NRXN3: variants seen among roughly 807,000 people sequenced by gnomAD.
NRXN3 encodes neurexin 3.
NRXN3 carries 32 observed loss-of-function variants against 137.6 expected under a neutral mutation model. That is an observed-to-expected ratio of 0.23 (90% CI 0.18 to 0.31). The LOEUF (loss-of-function observed/expected upper bound fraction) is 0.31, where lower values mean the gene tolerates loss of function less well. Ranked by LOEUF, NRXN3 falls within the 10% of genes least tolerant of loss-of-function variation. NRXN3 has a pLI of 1.00. For synonymous variants in NRXN3, 798 were observed against 784.5 expected, an observed-to-expected ratio of 1.02 and a Z score of -0.29; for missense variants, 1,574 against 2,062.5, an observed-to-expected ratio of 0.76 and a Z score of 4.59.
chr14:79,551,798 A>C (rs946939402), intron 16 of NRXN3, among the ~76,000 whole-genome samples: 1 of 152,144 alleles, frequency 6.6e-6, no homozygotes, highest in Non-Finnish European at 1.5e-5. Context: ...TCCCTGGGGA[A>C]GTTTCTAGTG....
intron 15 of NRXN3, among the ~76,000 whole-genome samples, chr14:79,142,268 A>T (rs932325064): frequency 1.3e-5 from 2 of 152,126 alleles, no homozygotes; most frequent in Non-Finnish European, 2.9e-5. Flanking sequence ...TCTACTAAAA[A>T]TACAAAAAGT....
In NRXN3 at chr14:78,479,536, C is replaced by A. The variant is rs181348850; in HGVS notation, c.758-165584C>A. Among the ~76,000 whole-genome samples the A allele has an allele frequency of 2.6e-3, 399 of 152,290 alleles. 2 individuals carry two copies. The highest frequency in any genetic ancestry group is 9.1e-3 in the African/African-American group (377 of 41,570). On this transcript the variant is annotated intron_variant, in intron 4 of 20. Coordinates refer to ENST00000335750, the MANE Select transcript of NRXN3 (RefSeq NM_001330195.2). ...TTCAGGTTGTACAAAGTCAGCATTT[C>A]GTAAGGTTTGTCCCCAGAACATACT...
intron 15 of NRXN3, among the ~76,000 whole-genome samples, chr14:79,125,910 C>T (rs112717037): frequency 6.1e-4 from 93 of 152,158 alleles, no homozygotes; most frequent in Middle Eastern, 6.8e-3. Flanking sequence ...TTATTTCATA[C>T]GCTTATGCAA....
At chr14:78,249,933 GAGA>G (rs1164399328) in intron 2 of NRXN3, among the ~76,000 whole-genome samples, 1 of 152,174 alleles carries the variant, frequency 6.6e-6, no homozygotes, top group Non-Finnish European at 1.5e-5. Flanking sequence ...TATGGCTCTG[GAGA>G]AGGTTTTTGA....
chr14:78,698,736 T>G (rs2098251317), intron 6 of NRXN3, among the ~76,000 whole-genome samples: 1 of 152,040 alleles, frequency 6.6e-6, no homozygotes, highest in Admixed American at 6.6e-5. Flanking sequence ...TAGCTGCCAC[T>G]CTGGGGTGCA....
intron 4 of NRXN3, among the ~76,000 whole-genome samples, chr14:78,504,366 G>A (rs2095940349): frequency 1.3e-5 from 2 of 152,172 alleles, no homozygotes; most frequent in African/African-American, 2.4e-5. Flanking sequence ...TATGTGACTA[G>A]CCCTAGCTGA....
intron 19 of NRXN3, among the ~76,000 whole-genome samples, chr14:79,732,735 A>G (rs542329744): frequency 6.6e-6 from 1 of 152,312 alleles, no homozygotes; most frequent in South Asian, 2.1e-4. Flanking sequence ...CAATAACTGT[A>G]CAAATATGGT....
intron 16 of NRXN3, among the ~76,000 whole-genome samples, chr14:79,541,734 T>C (rs2097274873): frequency 6.6e-6 from 1 of 152,204 alleles, no homozygotes; most frequent in African/African-American, 2.4e-5. Flanking sequence ...TTACTCCTAA[T>C]GCCTCTAGCC....
intron 1 of NRXN3, among the ~76,000 whole-genome samples, chr14:78,189,679 G>C (rs926909574): frequency 6.6e-6 from 1 of 151,896 alleles, no homozygotes; most frequent in African/African-American, 2.4e-5. Flanking sequence ...CTCCACTTCC[G>C]GGTTTGAGCA....
At chr14:78,742,078 G>A (rs539596757) in intron 8 of NRXN3, among the ~76,000 whole-genome samples, 2 of 152,268 alleles carry the variant, frequency 1.3e-5, no homozygotes, top group South Asian at 4.1e-4. Flanking sequence ...ATGGCTAATT[G>A]TTTCCTCGCA....
chr14:79,659,775 C>T (rs926811302), intron 16 of NRXN3, among the ~76,000 whole-genome samples: 8 of 152,136 alleles, frequency 5.3e-5, no homozygotes, highest in Admixed American at 4.6e-4. Flanking sequence ...AATAACCAGA[C>T]CAGGGTCATA....
intron 10 of NRXN3, among the ~76,000 whole-genome samples, chr14:78,886,957 G>A (rs1294405447): frequency 6.6e-6 from 1 of 152,120 alleles, no homozygotes; most frequent in Non-Finnish European, 1.5e-5. Flanking sequence ...AGTGGTGGAG[G>A]ATGTCTAACT....
chr14:79,171,168 G>A lies in NRXN3; in HGVS notation c.3262+183027G>A, dbSNP rs1009393363. Among the ~76,000 whole-genome samples, 9 of 152,036 alleles carry A rather than the reference G, an allele frequency of 5.9e-5. No individual in the cohort carries two copies. The East Asian group carries it at 1.4e-3, about 23-fold the overall frequency. On this transcript the variant is annotated intron_variant, in intron 15 of 20. Transcript: ENST00000335750. ...CCCCAGGCATAGAAGCAGGATCCGT[G>A]TTTTAATTCTAACCTTAATTAAATC...
At chr14:78,503,383 C>T (rs73322316) in intron 4 of NRXN3, among the ~76,000 whole-genome samples, 3,300 of 152,122 alleles carry the variant, frequency 0.022, 111 homozygotes, top group African/African-American at 0.072. Context: ...AGGTGAATAT[C>T]CAGAAACCAG....
chr14:79,259,455 C>G (rs1238241671), intron 15 of NRXN3, among the ~76,000 whole-genome samples: 1 of 151,478 alleles, frequency 6.6e-6, no homozygotes, highest in Non-Finnish European at 1.5e-5. Flanking sequence ...TTCTAAAACC[C>G]TTATCTGCAG....
At chr14:78,217,869 C>T (rs952218861) in intron 1 of NRXN3, among the ~76,000 whole-genome samples, 3 of 152,118 alleles carry the variant, frequency 2.0e-5, no homozygotes, top group African/African-American at 7.2e-5. Flanking sequence ...CCATGTTGAC[C>T]AGGCTGGTCT....
At chr14:78,539,737 G>T (rs2096570703) in intron 4 of NRXN3, among the ~76,000 whole-genome samples, 1 of 152,108 alleles carries the variant, frequency 6.6e-6, no homozygotes, top group Non-Finnish European at 1.5e-5. Context: ...GCTTTCTCTT[G>T]TGGGCATTTA....
At chr14:78,515,029 G>T (rs2096180503) in intron 4 of NRXN3, among the ~76,000 whole-genome samples, 1 of 152,126 alleles carries the variant, frequency 6.6e-6, no homozygotes, top group African/African-American at 2.4e-5. Flanking sequence ...GGCACATTAA[G>T]CCAGAATCTC....
chr14:79,317,303 C>T (rs1394308922), intron 15 of NRXN3, among the ~76,000 whole-genome samples: 1 of 152,158 alleles, frequency 6.6e-6, no homozygotes, highest in East Asian at 1.9e-4. Context: ...CCTTCCTTGC[C>T]TCTTTCTAAC....
Sources: allele counts gnomAD v4.1 joint callset (sites outside exome capture counted in the v4.1 genomes callset), GRCh38; gene constraint gnomAD v4.1.1; transcripts MANE v1.5; gene names NCBI Gene and HGNC (gene_info 2026-07-23, HGNC 2026-07-21).